The following ZFHX3 variants were observed in gnomAD, a reference collection of about 807,000 sequenced individuals.
ZFHX3 encodes zinc finger homeobox protein 3.
Under a neutral mutation model 279.1 loss-of-function variants are expected in ZFHX3, and 42 were observed. The observed-to-expected ratio is 0.15, with a 90% CI of 0.12 to 0.19. The LOEUF is 0.19. ZFHX3 is among the 10% of genes least tolerant of loss of function. The probability of loss-of-function intolerance (pLI) is 1.00; values close to 1 mark genes in which losing one functional copy is unlikely to be tolerated. For missense variants in ZFHX3, 4,981 were observed against 4,754.0 expected, an observed-to-expected ratio of 1.05 and a Z score of -1.40; for synonymous variants, 2,293 against 1,957.8, an observed-to-expected ratio of 1.17 and a Z score of -4.52.
intron 1 of ZFHX3, among the ~76,000 whole-genome samples, chr16:73,057,352 A>C (rs761431141): frequency 4.3e-4 from 65 of 152,222 alleles, no homozygotes; most frequent in Admixed American, 7.2e-4. Flanking sequence ...TACTGAGTCC[A>C]TACACAACTT....
intron 4 of ZFHX3, among the ~76,000 whole-genome samples, chr16:73,264,013 A>G (rs1281827992): frequency 6.6e-6 from 1 of 152,126 alleles, no homozygotes; most frequent in African/African-American, 2.4e-5. Flanking sequence ...CCAAAAATAC[A>G]TAAATCAGCC....
At position 72,787,698 on chromosome 16, in the gene ZFHX3, GCC is replaced by G; in HGVS notation, c.10576_10577del (p.Gly3526ArgfsTer44). ...GGGGGGGGGG[G>X]GSYHCLACES... ...CGCACGCCAGGCAGTGGTACGAGCC[GCC>G]GCCGCCGCCGCCGCCGCCACCGCCG... is the stretch of plus-strand genomic sequence containing the variant. On this transcript the variant is annotated frameshift_variant, in exon 10 of 10. Coordinates refer to ENST00000268489, the MANE Select transcript of ZFHX3 (RefSeq NM_006885.4). LOFTEE classifies it high-confidence loss of function. 7.6e-7 allele frequency: 1 copy of G among 1,315,248 alleles called. No individual in the cohort carries two copies. The highest frequency in any genetic ancestry group is 9.9e-7 in the Non-Finnish European group (1 of 1,005,248). The allele number at this position is 1,315,248 out of a possible 1,614,324, so 81.5% of individuals were successfully genotyped here.
At chr16:73,106,105 G>C (rs997968647) in intron 7 of ZFHX3, among the ~76,000 whole-genome samples, 1 of 151,978 alleles carries the variant, frequency 6.6e-6, no homozygotes, top group Non-Finnish European at 1.5e-5. Flanking sequence ...GCTTCTCTTG[G>C]TTCCCTGAGC....
intron 1 of ZFHX3, among the ~76,000 whole-genome samples, chr16:73,761,014 T>C (rs1281012471): frequency 1.4e-5 from 2 of 144,682 alleles, no homozygotes; most frequent in Admixed American, 6.9e-5. Context: ...AAAAAAAGGG[T>C]ATTAAAAGAG....
chr16:72,819,325 A>G (rs1043117755), intron 5 of ZFHX3, among the ~76,000 whole-genome samples: 4 of 150,140 alleles, frequency 2.7e-5, no homozygotes, highest in African/African-American at 9.9e-5. Context: ...ATGCCTCCCT[A>G]ACCCAGCAAG....
rs1221674536 is a variant in ZFHX3 at position 73,860,405 on chromosome 16, G to T, written c.-1608+31246C>A. ...TTCCCTTACTTTTTTTTTTTTTTTG[G>T]CAATTTTTCTAGTCCCACCAATCAC... On this transcript the variant is annotated intron_variant, in intron 1 of 17. Coordinates refer to the ZFHX3 transcript ENST00000641206. Among the ~76,000 whole-genome samples the T allele has an allele frequency of 1.4e-4, 19 of 137,212 alleles. No homozygotes were observed. The East Asian group carries it at 2.7e-3, about 20-fold the overall frequency. 90.0% of individuals were successfully genotyped at this position (137,212 alleles called of 152,430 possible). A position where few individuals can be genotyped will look rare whatever the true frequency, so the allele number is the denominator to read the frequency against.
intron 1 of ZFHX3, among the ~76,000 whole-genome samples, chr16:73,792,750 C>T (rs919923428): frequency 1.3e-5 from 2 of 152,062 alleles, no homozygotes; most frequent in African/African-American, 2.4e-5. Flanking sequence ...AAAAGGCTGG[C>T]GGCTCAAGGG....
upstream of ZFHX3, among the ~76,000 whole-genome samples, chr16:73,062,678 G>T (rs1965699182): frequency 6.6e-6 from 1 of 151,622 alleles, no homozygotes; most frequent in South Asian, 2.1e-4. Flanking sequence ...CTAGCTCTGG[G>T]CCCTGGGTTT....
intron 1 of ZFHX3, among the ~76,000 whole-genome samples, chr16:73,038,896 C>T (rs1013334193): frequency 1.3e-5 from 2 of 151,922 alleles, no homozygotes; most frequent in African/African-American, 4.8e-5. Context: ...TTCCTGGGCT[C>T]AAGCAATCCA....
intron 2 of ZFHX3, among the ~76,000 whole-genome samples, chr16:73,601,469 C>CAA (rs67967322): frequency 0.13 from 16,591 of 131,436 alleles, 1,126 homozygotes; most frequent in East Asian, 0.17. Context: ...GACTCCATCT[C>CAA]AAAAAAAAAA....
intron 3 of ZFHX3, among the ~76,000 whole-genome samples, chr16:73,325,502 T>C (rs1726577152): frequency 6.6e-6 from 1 of 152,070 alleles, no homozygotes; most frequent in Admixed American, 6.5e-5. Flanking sequence ...GCCAGTCCAA[T>C]GACATGGATC....
At chr16:73,659,436 C>T (rs1019876572) in intron 2 of ZFHX3, among the ~76,000 whole-genome samples, 1 of 147,426 alleles carries the variant, frequency 6.8e-6, no homozygotes, top group Non-Finnish European at 1.5e-5. Context: ...TACAATTTGG[C>T]TCTGAGAAGA....
intron 1 of ZFHX3, among the ~76,000 whole-genome samples, chr16:73,058,032 T>C (rs1377866255): frequency 2.1e-5 from 3 of 140,676 alleles, no homozygotes; most frequent in Non-Finnish European, 4.7e-5. Flanking sequence ...GACCCCCCCA[T>C]ACTCCCCCCA....
chr16:73,872,669 C>A (rs995159591), intron 1 of ZFHX3, among the ~76,000 whole-genome samples: 6 of 146,536 alleles, frequency 4.1e-5, no homozygotes, highest in African/African-American at 1.5e-4. Flanking sequence ...AACTCTCTCT[C>A]CATGTGGGGC....
intron 4 of ZFHX3, among the ~76,000 whole-genome samples, chr16:72,841,139 C>T (rs141444770): frequency 2.6e-5 from 4 of 152,288 alleles, no homozygotes; most frequent in Admixed American, 6.5e-5. Context: ...CTGGTGCCAG[C>T]GGAGAAGAGC....
chr16:73,379,921 C>G (rs1020992667), intron 3 of ZFHX3, among the ~76,000 whole-genome samples: 1 of 152,154 alleles, frequency 6.6e-6, no homozygotes, highest in Admixed American at 6.5e-5. Flanking sequence ...GAAACAACCA[C>G]CAGAAATTTT....
At position 73,386,706 on chromosome 16, in the gene ZFHX3, G is replaced by A. The variant is rs557788979; in HGVS notation, c.-1290-68370C>T. The A allele has an allele frequency of 2.6e-5, 4 of 151,008 alleles. No homozygotes were observed. The South Asian group carries it at 8.4e-4, about 32-fold the overall frequency. The allele number at this position is 151,008 out of a possible 1,614,324, so 9.4% of individuals were successfully genotyped here. A position where few individuals can be genotyped will look rare whatever the true frequency, so the allele number is the denominator to read the frequency against. The stretch of plus-strand genomic sequence containing the variant: ...GTTCAAGAGCCCTACACAGTCCTTA[G>A]GCAATGACCCTGAGAATCAGAAACT... On this transcript the variant is annotated intron_variant, in intron 3 of 17. Transcript: ENST00000641206.
At chr16:72,967,991 G>A (rs1443738573) in intron 1 of ZFHX3, among the ~76,000 whole-genome samples, 1 of 147,398 alleles carries the variant, frequency 6.8e-6, no homozygotes, top group Non-Finnish European at 1.5e-5. Flanking sequence ...CTCCCCACAG[G>A]ATACTTCTTA....
intron 1 of ZFHX3, among the ~76,000 whole-genome samples, chr16:73,768,146 C>G (rs541552363): frequency 6.6e-6 from 1 of 152,304 alleles, no homozygotes; most frequent in East Asian, 1.9e-4. Flanking sequence ...CCTCCTATCA[C>G]TCTCTAATCC....
Sources: gnomAD v4.1 joint callset for allele counts (sites outside exome capture counted in the v4.1 genomes callset) on GRCh38, gnomAD v4.1.1 for gene constraint, MANE v1.5 for transcripts, NCBI Gene and HGNC (gene_info 2026-07-23, HGNC 2026-07-21) for gene names.